The following MLLT10 variants were observed in gnomAD, a reference collection of about 807,000 sequenced individuals.
The protein encoded by MLLT10 is MLLT10 histone lysine methyltransferase DOT1L cofactor, also known as protein AF-10.
MLLT10 carries 30 observed loss-of-function variants against 129.1 expected under a neutral mutation model. The ratio of observed to expected loss-of-function variants is 0.23; its 90% CI spans 0.17 to 0.32. The LOEUF (loss-of-function observed/expected upper bound fraction) is 0.32, where lower values mean the gene tolerates loss of function less well. Ranked by LOEUF, MLLT10 falls within the 10% of genes least tolerant of loss-of-function variation. MLLT10 has a pLI of 1.00. For missense variants in MLLT10, 1,119 were observed against 1,268.3 expected (o/e 0.88, Z 1.79); for synonymous variants, 490 against 446.4 (o/e 1.10, Z -1.23).
At chr10:21,739,217 TCTC>T (rs1034739277) in intron 21 of MLLT10, among the ~76,000 whole-genome samples, 1 of 152,060 alleles carries the variant, frequency 6.6e-6, no homozygotes, top group Non-Finnish European at 1.5e-5. Flanking sequence ...AGCTCTGTGT[TCTC>T]CTCACTTCCT....
At chr10:21,693,513 C>T (rs2054077898) in intron 13 of MLLT10, among the ~76,000 whole-genome samples, 1 of 151,872 alleles carries the variant, frequency 6.6e-6, no homozygotes, top group Non-Finnish European at 1.5e-5. Context: ...TTTACTTATT[C>T]CTATTTGTGC....
intron 3 of MLLT10, among the ~76,000 whole-genome samples, chr10:21,560,151 G>A (rs1396868594): frequency 6.6e-6 from 1 of 151,996 alleles, no homozygotes; most frequent in African/African-American, 2.4e-5. Context: ...GATTACAGGC[G>A]TGCGCCACCA....
At chr10:21,580,764 C>A (rs1273252303) in intron 3 of MLLT10, among the ~76,000 whole-genome samples, 1 of 150,646 alleles carries the variant, frequency 6.6e-6, no homozygotes, top group Non-Finnish European at 1.5e-5. Context: ...TGCAATGGCG[C>A]GATCTTGACT....
chr10:21,740,656 A>G (rs764344435), intron 22 of MLLT10, among the ~76,000 whole-genome samples: 1 of 152,232 alleles, frequency 6.6e-6, no homozygotes, highest in Non-Finnish European at 1.5e-5. Context: ...AGGGCACACA[A>G]TCCAATAATT....
chr10:21,717,513 T>TCCTCCC (rs1204073696), intron 14 of MLLT10, among the ~76,000 whole-genome samples: 1 of 45,992 alleles, frequency 2.2e-5, no homozygotes, highest in African/African-American at 7.4e-5. Context: ...CTCCTCCTCC[T>TCCTCCC]CCACCACCTC....
In MLLT10 at chr10:21,681,358, G is replaced by A. The variant is rs1432822929; in HGVS notation, c.1648G>A (p.Gly550Arg). The change falls in exon 12 of 23, where the codon GGA (glycine) becomes AGA (arginine). Residue 550 changes from glycine (G) to arginine (R), a missense_variant. Coordinates refer to ENST00000307729, the MANE Select transcript of MLLT10 (RefSeq NM_001195626.3). The part of the protein sequence containing the change: ...SEISMQYRHD[G>R]ACPTTTFSEL... The stretch of plus-strand genomic sequence containing the variant: ...AATTTCCATGCAGTATCGGCATGAT[G>A]GAGCTTGCCCAACAACTAGTAAGTT... 6.2e-7 allele frequency: 1 copy of A among 1,611,914 alleles called. No homozygotes were observed. Among genetic ancestry groups the A allele is most frequent in the Non-Finnish European group, 8.5e-7 (1 of 1,179,252 alleles).
intron 22 of MLLT10, among the ~76,000 whole-genome samples, chr10:21,740,482 T>C (rs192028639): frequency 1.3e-5 from 2 of 152,336 alleles, no homozygotes; most frequent in East Asian, 3.9e-4. Flanking sequence ...ATGACAAAGT[T>C]AGCAAGTCAT....
chr10:21,592,955 C>G (rs1335005488), intron 4 of MLLT10, among the ~76,000 whole-genome samples: 1 of 152,026 alleles, frequency 6.6e-6, no homozygotes, highest in Non-Finnish European at 1.5e-5. Flanking sequence ...TTAGATCTGC[C>G]TGCCTATTAC....
At chr10:21,698,975 A>G (rs1244803582) in intron 13 of MLLT10, among the ~76,000 whole-genome samples, 1 of 152,318 alleles carries the variant, frequency 6.6e-6, no homozygotes, top group Admixed American at 6.5e-5. Flanking sequence ...CCCAGGTTCA[A>G]GCAATCCTCC....
intron 3 of MLLT10, among the ~76,000 whole-genome samples, chr10:21,559,435 G>C (rs1046660572): frequency 2.6e-5 from 4 of 152,146 alleles, no homozygotes; most frequent in African/African-American, 4.8e-5. Flanking sequence ...ATGGTAATCT[G>C]ATTATTCAGA....
At chr10:21,626,397 T>A (rs758094151) in intron 8 of MLLT10, 7 of 616,188 alleles carry the variant, frequency 1.1e-5, no homozygotes, top group Non-Finnish European at 2.0e-5. Flanking sequence ...ATTCTTATGT[T>A]TACATGGCAA....
intron 3 of MLLT10, among the ~76,000 whole-genome samples, chr10:21,575,958 A>T (rs1436669738): frequency 3.3e-5 from 5 of 149,992 alleles, no homozygotes; most frequent in African/African-American, 1.2e-4. Context: ...ATGAGGTTTT[A>T]CTCTGTCACC....
At chr10:21,688,433 G>A in intron 13 of MLLT10, 1 of 1,412,902 alleles carries the variant, frequency 7.1e-7, no homozygotes, top group Middle Eastern at 1.8e-4. Flanking sequence ...TGTCTGTCAT[G>A]GTGGTTTTTA....
In MLLT10 at chr10:21,673,718, A is replaced by C. The variant is rs139648655; in HGVS notation, c.1420A>C (p.Ser474Arg). ...KEKKRKGNKQ[S>R]KHGPGRPKGN... ...AAAGAAAAGGAAAGGAAATAAACAA[A>C]GTAAGCATGGGCCTGGCAGACCCAA... Residue 474 changes from serine to arginine, a missense_variant, in exon 11 of 23, where the codon AGT becomes CGT. Physicochemically the swap from Ser to Arg is moderately radical, Grantham distance 110. Around this residue, in one of 5 missense-constraint regions of MLLT10, gnomAD observed 1,004 missense variants for 1,008.7 expected, o/e 1.00. Coordinates refer to ENST00000307729, the MANE Select transcript of MLLT10 (RefSeq NM_001195626.3). 1.7e-5 allele frequency: 28 copies of C among 1,614,050 alleles called. No homozygotes were observed. The highest frequency in any genetic ancestry group is 2.4e-5 in the Non-Finnish European group (28 of 1,180,042).
At chr10:21,615,993 C>T (rs2045215809) in intron 7 of MLLT10, among the ~76,000 whole-genome samples, 2 of 151,648 alleles carry the variant, frequency 1.3e-5, no homozygotes, top group Non-Finnish European at 1.5e-5. Flanking sequence ...ATTATATTTC[C>T]CTTGTGAATG....
At chr10:21,571,885 A>G (rs1589010362) in intron 3 of MLLT10, 1 of 152,188 alleles carries the variant, frequency 6.6e-6, no homozygotes, top group Admixed American at 6.5e-5. Flanking sequence ...CCAAGTCTAT[A>G]TGGTTTAACT....
At chr10:21,735,489 T>C (rs973779512) in intron 21 of MLLT10, among the ~76,000 whole-genome samples, 1 of 152,164 alleles carries the variant, frequency 6.6e-6, no homozygotes, top group African/African-American at 2.4e-5. Flanking sequence ...GGTGCGTGTT[T>C]TCCCGGAGCT....
intron 14 of MLLT10, among the ~76,000 whole-genome samples, chr10:21,719,228 GGTTTC>G (rs1465764734): frequency 6.6e-6 from 1 of 152,098 alleles, no homozygotes; most frequent in African/African-American, 2.4e-5. Context: ...TTGAGAAAAT[GGTTTC>G]GTTTCTCAGG....
At chr10:21,711,279 T>C (rs561246552) in intron 13 of MLLT10, among the ~76,000 whole-genome samples, 1 of 151,810 alleles carries the variant, frequency 6.6e-6, no homozygotes, top group Non-Finnish European at 1.5e-5. Flanking sequence ...AAAAATTAGC[T>C]GAGTGTGATG....
Sources: gnomAD v4.1 joint callset for allele counts (sites outside exome capture counted in the v4.1 genomes callset) on GRCh38, gnomAD v4.1.1 for gene constraint, gnomAD v4.1.1 regional missense constraint, MANE v1.5 for transcripts, NCBI Gene and HGNC (gene_info 2026-07-23, HGNC 2026-07-21) for gene names.